TIPIN: variants seen among roughly 807,000 people sequenced by gnomAD.
The protein encoded by TIPIN is TIMELESS-interacting protein.
TIPIN carries 29 observed loss-of-function variants against 35.6 expected under a neutral mutation model. The ratio of observed to expected loss-of-function variants is 0.82; its 90% CI spans 0.61 to 1.11. The LOEUF (loss-of-function observed/expected upper bound fraction) is 1.11, where lower values mean the gene tolerates loss of function less well. Ranked by LOEUF, TIPIN falls within the 50% of genes most tolerant of loss-of-function variation. TIPIN has a pLI of 0.00. For synonymous variants in TIPIN, 102 were observed against 121.5 expected (o/e 0.84, Z 1.06); for missense variants, 296 against 345.4 (o/e 0.86, Z 1.13).
intron 1 of TIPIN, among the ~76,000 whole-genome samples, chr15:66,384,317 C>CA (rs1389331687): frequency 8.6e-5 from 13 of 150,844 alleles, no homozygotes; most frequent in Non-Finnish European, 1.9e-4. Flanking sequence ...ATTTTTGAGA[C>CA]AGAGTCTTGC....
chr15:66,366,165 C>A (rs2140484198), intron 1 of TIPIN, among the ~76,000 whole-genome samples: 2 of 148,134 alleles, frequency 1.4e-5, no homozygotes, highest in South Asian at 4.3e-4. Context: ...AAAAAAAAAA[C>A]TGGGGGTTGG....
intron 6 of TIPIN, chr15:66,347,242 T>C (rs1396400838): frequency 1.9e-5 from 10 of 518,302 alleles, no homozygotes; most frequent in South Asian, 1.4e-4. Context: ...ATCTGATAAC[T>C]ATACAGACCC....
chr15:66,381,012 T>C (rs1276089448), intron 1 of TIPIN, among the ~76,000 whole-genome samples: 1 of 152,232 alleles, frequency 6.6e-6, no homozygotes, highest in Non-Finnish European at 1.5e-5. Flanking sequence ...ATTTAAATAA[T>C]ACTATGTTGA....
chr15:66,367,273 GA>G (rs1049265100), intron 1 of TIPIN, among the ~76,000 whole-genome samples: 38 of 123,304 alleles, frequency 3.1e-4, no homozygotes, highest in African/African-American at 9.5e-4. Flanking sequence ...TATATCTATA[GA>G]TATATATCTG....
chr15:66,371,477 T>C (rs2093277356), intron 1 of TIPIN: 1 of 722,108 alleles, frequency 1.4e-6, no homozygotes. Context: ...AAAAAGTTTT[T>C]CCATGAGTTT....
intron 1 of TIPIN, chr15:66,383,134 G>T: frequency 3.2e-6 from 1 of 316,516 alleles, no homozygotes; most frequent in Non-Finnish European, 4.6e-6. Context: ...TTTACACAGA[G>T]TGGAAGTGAG....
intron 1 of TIPIN, among the ~76,000 whole-genome samples, chr15:66,366,323 G>A (rs1016717307): frequency 1.3e-5 from 2 of 151,678 alleles, no homozygotes; most frequent in African/African-American, 2.4e-5. Context: ...GCATGGTGGC[G>A]GGCGCCTGTA....
chr15:66,376,711 G>C (rs552319259), intron 1 of TIPIN, among the ~76,000 whole-genome samples: 25 of 151,964 alleles, frequency 1.6e-4, no homozygotes, highest in Admixed American at 1.6e-3. Flanking sequence ...TTACAGGCAT[G>C]AGCCACCGTG....
At chr15:66,348,256 A>G (rs1486657679) in intron 6 of TIPIN, 1 of 151,512 alleles carries the variant, frequency 6.6e-6, no homozygotes, top group Non-Finnish European at 1.5e-5. Context: ...TCCTACCTCC[A>G]TGGCCTCCCA....
At chr15:66,363,365 C>T (rs569555993) in intron 1 of TIPIN, among the ~76,000 whole-genome samples, 232 of 151,746 alleles carry the variant, frequency 1.5e-3, no homozygotes, top group African/African-American at 5.4e-3. Flanking sequence ...AAAATTAGGC[C>T]GGGCACGGTG....
At chr15:66,379,261 A>G (rs1245964571) in intron 1 of TIPIN, 2 of 1,483,990 alleles carry the variant, frequency 1.3e-6, no homozygotes, top group Admixed American at 2.5e-5. Context: ...GTCTTTTATT[A>G]CATCATTTAA....
intron 1 of TIPIN, among the ~76,000 whole-genome samples, chr15:66,381,031 C>T (rs374713732): frequency 4.6e-5 from 7 of 152,240 alleles, no homozygotes; most frequent in African/African-American, 1.4e-4. Flanking sequence ...GATCATTCTT[C>T]TGTATAGCTT....
intron 1 of TIPIN, chr15:66,382,180 C>G (rs935480723): frequency 5.3e-6 from 1 of 187,842 alleles, no homozygotes; most frequent in Non-Finnish European, 9.9e-6. Context: ...ATTTAATGCT[C>G]ATAACTATTT....
At chr15:66,349,529 T>C (rs1265845074) in intron 4 of TIPIN, 92 bp from the exon 5 acceptor site, 38 of 1,469,650 alleles carry the variant, frequency 2.6e-5, no homozygotes, top group Non-Finnish European at 3.2e-5. Flanking sequence ...TATGCCAAAA[T>C]CACTGGGGTC....
chr15:66,378,690 C>T lies in TIPIN; in HGVS notation c.-9+7917G>A, dbSNP rs535225028. Among the ~76,000 whole-genome samples the T allele has an allele frequency of 4.0e-5, 6 of 151,728 alleles. No homozygotes were observed. In the South Asian group the frequency reaches 1.2e-3, roughly 32 times the overall value. On this transcript the variant is annotated intron_variant, in intron 1 of 7. Coordinates refer to the TIPIN transcript ENST00000562124. ...AATTTCCCATGATCTTATCTAGCTT[C>T]TCTAGCAGTACTTGTATGATTTCAC... is the stretch of plus-strand genomic sequence containing the variant.
At chr15:66,340,171 C>CTTTTTTTT (rs1213707475) in intron 7 of TIPIN, among the ~76,000 whole-genome samples, 6 of 69,568 alleles carry the variant, frequency 8.6e-5, no homozygotes, top group Admixed American at 2.1e-4. Flanking sequence ...TGCGCCTGGC[C>CTTTTTTTT]TTTTTTTTTT....
chr15:66,373,738 C>T (rs980828428), intron 1 of TIPIN, among the ~76,000 whole-genome samples: 1 of 152,022 alleles, frequency 6.6e-6, no homozygotes, highest in Admixed American at 6.6e-5. Flanking sequence ...TGCTCTGTCA[C>T]TCAGGGTAGA....
upstream of TIPIN, among the ~76,000 whole-genome samples, chr15:66,358,954 G>C (rs112152115): frequency 0.069 from 10,415 of 151,492 alleles, 1,189 homozygotes; most frequent in African/African-American, 0.24. Flanking sequence ...TGAGGCGAGA[G>C]AATCGCTTGA....
At chr15:66,366,169 G>A (rs982950472) in intron 1 of TIPIN, among the ~76,000 whole-genome samples, 3 of 151,724 alleles carry the variant, frequency 2.0e-5, no homozygotes, top group African/African-American at 7.3e-5. Flanking sequence ...AAAAAACTGG[G>A]GGTTGGCCGG....
Sources: gnomAD v4.1 joint callset for allele counts (sites outside exome capture counted in the v4.1 genomes callset) on GRCh38, gnomAD v4.1.1 for gene constraint, MANE v1.5 for transcripts, NCBI Gene and HGNC (gene_info 2026-07-23, HGNC 2026-07-21) for gene names.